The following MAGI2 variants were observed in gnomAD, a reference collection of about 807,000 sequenced individuals.
MAGI2 encodes the protein membrane associated guanylate kinase, WW and PDZ domain containing 2, also known as membrane-associated guanylate kinase, WW and PDZ domain-containing protein 2.
Under a neutral mutation model 133.3 loss-of-function variants are expected in MAGI2, and 35 were observed. The observed-to-expected ratio is 0.26, with a 90% CI of 0.20 to 0.35. MAGI2 has a LOEUF of 0.35. Ranked by LOEUF, MAGI2 falls within the 10% of genes least tolerant of loss-of-function variation. The pLI is 1.00. For synonymous variants in MAGI2, 729 were observed against 710.6 expected, an observed-to-expected ratio of 1.03 and a Z score of -0.41; for missense variants, 1,636 against 1,863.4, an observed-to-expected ratio of 0.88 and a Z score of 2.25.
At chr7:79,188,763 A>C (rs1827389735) in intron 1 of MAGI2, among the ~76,000 whole-genome samples, 1 of 151,902 alleles carries the variant, frequency 6.6e-6, no homozygotes, top group Non-Finnish European at 1.5e-5. Flanking sequence ...ATTAACATTA[A>C]ATGAAAAATG....
chr7:78,970,465 T>G (rs1803694034), intron 2 of MAGI2, among the ~76,000 whole-genome samples: 2 of 152,074 alleles, frequency 1.3e-5, no homozygotes, highest in Admixed American at 1.3e-4. Context: ...AGATCCCCTA[T>G]GCTGACTCTC....
At chr7:78,897,202 G>GA (rs1797278212) in intron 2 of MAGI2, among the ~76,000 whole-genome samples, 1 of 152,094 alleles carries the variant, frequency 6.6e-6, no homozygotes, top group African/African-American at 2.4e-5. Flanking sequence ...ACTTCTGAAG[G>GA]AAAAAAGCAA....
intron 2 of MAGI2, among the ~76,000 whole-genome samples, chr7:78,914,646 T>C (rs1798650991): frequency 6.6e-6 from 1 of 152,154 alleles, no homozygotes; most frequent in African/African-American, 2.4e-5. Context: ...CTATTCTTCA[T>C]TAGGAAGGAA....
intron 3 of MAGI2, among the ~76,000 whole-genome samples, chr7:78,538,666 A>T (rs1219373165): frequency 1.3e-5 from 2 of 152,176 alleles, no homozygotes; most frequent in East Asian, 3.9e-4. Flanking sequence ...GTGTATAGCA[A>T]TGCTACAGAT....
intron 1 of MAGI2, among the ~76,000 whole-genome samples, chr7:79,028,642 AT>A (rs1810265822): frequency 6.6e-6 from 1 of 152,064 alleles, no homozygotes; most frequent in African/African-American, 2.4e-5. Context: ...GCCTAATATA[AT>A]TTTTATCTTT....
intron 1 of MAGI2, among the ~76,000 whole-genome samples, chr7:79,370,876 G>A (rs1407688597): frequency 2.0e-5 from 3 of 151,992 alleles, no homozygotes; most frequent in Admixed American, 2.0e-4. Context: ...CTGAAGAATG[G>A]TTATAAAGGT....
At chr7:79,232,287 T>C (rs1831441560) in intron 1 of MAGI2, among the ~76,000 whole-genome samples, 1 of 148,522 alleles carries the variant, frequency 6.7e-6, no homozygotes, top group African/African-American at 2.5e-5. Context: ...GGCTTTGGTA[T>C]CAGAATGATG....
intron 2 of MAGI2, among the ~76,000 whole-genome samples, chr7:78,918,062 C>T (rs533797794): frequency 3.9e-5 from 6 of 152,208 alleles, no homozygotes; most frequent in South Asian, 2.1e-4. Flanking sequence ...GGTGGCTGAA[C>T]GGAAAGTTCT....
Position 78,079,699 on chromosome 7 carries a change from C to T in MAGI2, c.3568-614G>A, listed in dbSNP as rs536122193. ...TAAAAATGAGATTCTCCATTCTCTC[C>T]ACATGACTAATGCCCTGGCTAAATC... On this transcript the variant is annotated intron_variant, in intron 20 of 21. Coordinates refer to ENST00000354212, the MANE Select transcript of MAGI2 (RefSeq NM_012301.4). Among the ~76,000 whole-genome samples, 6 of 152,316 alleles carry T rather than the reference C, an allele frequency of 3.9e-5. 1 individual carries two copies. In the South Asian group the frequency reaches 1.0e-3, roughly 26 times the overall value.
chr7:79,036,761 T>C (rs1486959241), intron 1 of MAGI2, among the ~76,000 whole-genome samples: 1 of 152,114 alleles, frequency 6.6e-6, no homozygotes, highest in African/African-American at 2.4e-5. Context: ...ATAAAGAATC[T>C]AAACTCAAAG....
chr7:79,054,857 C>T (rs867237487), intron 1 of MAGI2, among the ~76,000 whole-genome samples: 1 of 152,226 alleles, frequency 6.6e-6, no homozygotes, highest in Non-Finnish European at 1.5e-5. Flanking sequence ...GTGGTGCAAT[C>T]TCAGTTCACC....
At chr7:79,365,228 T>C (rs1842623519) in intron 1 of MAGI2, among the ~76,000 whole-genome samples, 2 of 152,088 alleles carry the variant, frequency 1.3e-5, no homozygotes, top group East Asian at 3.9e-4. Flanking sequence ...TTAAAAATGG[T>C]GACAATACCA....
intron 2 of MAGI2, among the ~76,000 whole-genome samples, chr7:78,664,773 TAAGAA>T (rs142025523): frequency 0.02 from 3,058 of 151,926 alleles, 29 homozygotes; most frequent in Non-Finnish European, 0.025. Flanking sequence ...AACAAAAAAA[TAAGAA>T]AAGGGAAGGT....
At chr7:78,858,532 G>T (rs902753298) in intron 2 of MAGI2, among the ~76,000 whole-genome samples, 21 of 152,190 alleles carry the variant, frequency 1.4e-4, no homozygotes, top group African/African-American at 4.6e-4. Flanking sequence ...TCAGGAGCAG[G>T]TTGTTCAGTT....
chr7:78,307,095 TAAAGA>T (rs1254853381), intron 9 of MAGI2, among the ~76,000 whole-genome samples: 2 of 152,172 alleles, frequency 1.3e-5, no homozygotes, highest in Admixed American at 6.6e-5. Context: ...AATCCCATAC[TAAAGA>T]AAAGAAGAGA....
intron 7 of MAGI2, among the ~76,000 whole-genome samples, chr7:78,361,788 T>C (rs1792839666): frequency 6.6e-6 from 1 of 152,158 alleles, no homozygotes. Context: ...CAAGTTTTCA[T>C]CCCTTCAGTT....
At chr7:78,852,459 G>A (rs1306844575) in intron 2 of MAGI2, among the ~76,000 whole-genome samples, 2 of 151,898 alleles carry the variant, frequency 1.3e-5, no homozygotes, top group African/African-American at 2.4e-5. Context: ...TCCATACCAA[G>A]AGGTCACAAA....
At chr7:78,545,360 G>C (rs1043722787) in intron 3 of MAGI2, among the ~76,000 whole-genome samples, 2 of 151,430 alleles carry the variant, frequency 1.3e-5, no homozygotes, top group Non-Finnish European at 2.9e-5. Flanking sequence ...TTACAGGCAC[G>C]CACCACCATG....
chr7:78,987,869 G>GA (rs1262764822), intron 2 of MAGI2, among the ~76,000 whole-genome samples: 1 of 151,554 alleles, frequency 6.6e-6, no homozygotes, highest in Non-Finnish European at 1.5e-5. Context: ...CACAGTAAAG[G>GA]AAAAAAGATT....
Sources: gnomAD v4.1 joint callset for allele counts (sites outside exome capture counted in the v4.1 genomes callset) on GRCh38, gnomAD v4.1.1 for gene constraint, MANE v1.5 for transcripts, NCBI Gene and HGNC (gene_info 2026-07-23, HGNC 2026-07-21) for gene names.